The following PLCL1 variants were observed in gnomAD, a reference collection of about 807,000 sequenced individuals.
PLCL1 encodes inactive phospholipase C-like protein 1.
Under a neutral mutation model 84.4 loss-of-function variants are expected in PLCL1, and 41 were observed. The observed-to-expected ratio is 0.49, with a 90% CI of 0.38 to 0.63. The LOEUF is 0.63. Ranked by LOEUF, PLCL1 falls within the 30% of genes least tolerant of loss-of-function variation. The pLI is 0.00. For missense variants in PLCL1, 1,206 were observed against 1,367.8 expected (o/e 0.88, Z 1.87); for synonymous variants, 490 against 488.3 (o/e 1.00, Z -0.05).
At chr2:197,838,728 C>T (rs1227361814) in intron 1 of PLCL1, among the ~76,000 whole-genome samples, 4 of 152,290 alleles carry the variant, frequency 2.6e-5, no homozygotes, top group African/African-American at 7.2e-5. Flanking sequence ...GATACACTTC[C>T]CGTTTCACAG....
chr2:198,080,533 C>T (rs2105893354), intron 1 of PLCL1, among the ~76,000 whole-genome samples: 1 of 152,282 alleles, frequency 6.6e-6, no homozygotes, highest in South Asian at 2.1e-4. Context: ...CATCTCCCCT[C>T]CTCCCAACCT....
At chr2:198,117,670 C>T (rs1160803960) in intron 5 of PLCL1, among the ~76,000 whole-genome samples, 1 of 151,808 alleles carries the variant, frequency 6.6e-6, no homozygotes, top group African/African-American at 2.4e-5. Flanking sequence ...TGCTATCAAC[C>T]AAGAAACTGA....
At chr2:198,062,341 A>G (rs959019261) in intron 1 of PLCL1, among the ~76,000 whole-genome samples, 9 of 152,216 alleles carry the variant, frequency 5.9e-5, no homozygotes, top group Non-Finnish European at 1.3e-4. Flanking sequence ...GAAATCCTTT[A>G]TTATGCAAAT....
At chr2:198,130,195 T>C (rs1004669220) in intron 5 of PLCL1, among the ~76,000 whole-genome samples, 1 of 152,082 alleles carries the variant, frequency 6.6e-6, no homozygotes, top group African/African-American at 2.4e-5. Context: ...TATTGTGATA[T>C]TTCCCAGGCT....
At chr2:198,053,459 C>T (rs1337088363) in intron 1 of PLCL1, among the ~76,000 whole-genome samples, 1 of 152,212 alleles carries the variant, frequency 6.6e-6, no homozygotes, top group African/African-American at 2.4e-5. Context: ...GCTGGTAATA[C>T]CATCCTCTCC....
chr2:197,883,413 C>T (rs763406265), intron 1 of PLCL1, among the ~76,000 whole-genome samples: 10 of 152,056 alleles, frequency 6.6e-5, no homozygotes, highest in African/African-American at 9.7e-5. Context: ...TTCTCTGCCT[C>T]GTGGGATAAT....
intron 1 of PLCL1, among the ~76,000 whole-genome samples, chr2:197,850,888 T>G (rs923781431): frequency 6.6e-6 from 1 of 152,206 alleles, no homozygotes; most frequent in South Asian, 2.1e-4. Context: ...TTCATGGCCA[T>G]GAAGAAGACA....
intron 1 of PLCL1, among the ~76,000 whole-genome samples, chr2:197,947,237 A>ATATATATATATATAT (rs1689294732): frequency 5.6e-5 from 8 of 142,734 alleles, no homozygotes; most frequent in African/African-American, 2.1e-4. Context: ...TGCTTAGATA[A>ATATATATATATATAT]ATATATATAT....
chr2:197,946,381 T>C (rs963545517), intron 1 of PLCL1, among the ~76,000 whole-genome samples: 1 of 152,066 alleles, frequency 6.6e-6, no homozygotes, highest in Non-Finnish European at 1.5e-5. Flanking sequence ...GTAAGTTTAA[T>C]TACCAATCAG....
chr2:197,900,492 T>C (rs1311025020), intron 1 of PLCL1, among the ~76,000 whole-genome samples: 1 of 152,160 alleles, frequency 6.6e-6, no homozygotes, highest in Non-Finnish European at 1.5e-5. Context: ...TGTCCAAGAG[T>C]ATAAATATTC....
intron 1 of PLCL1, among the ~76,000 whole-genome samples, chr2:198,068,008 G>A (rs892176841): frequency 8.5e-5 from 13 of 152,172 alleles, no homozygotes; most frequent in Non-Finnish European, 1.5e-4. Flanking sequence ...GAAATTAAGT[G>A]TAGTGAATTC....
intron 5 of PLCL1, among the ~76,000 whole-genome samples, chr2:198,104,725 T>G (rs1434464644): frequency 6.6e-6 from 1 of 151,886 alleles, no homozygotes; most frequent in African/African-American, 2.4e-5. Flanking sequence ...TTTTAGCTAT[T>G]CTGACTGTGA....
rs934343276 is a variant in PLCL1 at position 197,871,549 on chromosome 2, T to C, written c.240+66210T>C. On this transcript the variant is annotated intron_variant, in intron 1 of 5. Transcript: ENST00000428675. Reference sequence around the variant, plus strand: ...AAAACGGAAATTCATTTTCTCATGGTTTTGGAGGCCAGAAATCTGAAATCA... The same window carrying C: ...AAAACGGAAATTCATTTTCTCATGGCTTTGGAGGCCAGAAATCTGAAATCA... Among the ~76,000 whole-genome samples the C allele has an allele frequency of 2.0e-5, 3 of 151,990 alleles. No homozygotes were observed. In the East Asian group the frequency reaches 5.8e-4, roughly 29 times the overall value.
chr2:197,958,921 GC>G (rs1163962380), intron 1 of PLCL1, among the ~76,000 whole-genome samples: 2 of 97,036 alleles, frequency 2.1e-5, no homozygotes, highest in Non-Finnish European at 4.5e-5. Context: ...AATCTGTATT[GC>G]CTCTTAATTA....
intron 1 of PLCL1, among the ~76,000 whole-genome samples, chr2:198,047,801 G>A (rs1691841218): frequency 6.6e-6 from 1 of 152,180 alleles, no homozygotes; most frequent in South Asian, 2.1e-4. Context: ...TATCTTGAGT[G>A]TCTTGCATAA....
intron 1 of PLCL1, among the ~76,000 whole-genome samples, chr2:198,038,910 C>A (rs1053443003): frequency 4.7e-5 from 7 of 150,338 alleles, no homozygotes; most frequent in Non-Finnish European, 1.0e-4. Context: ...TCACAAATAC[C>A]AGAAACAGAG....
At chr2:198,015,706 A>T (rs1327637545) in intron 1 of PLCL1, among the ~76,000 whole-genome samples, 1 of 152,144 alleles carries the variant, frequency 6.6e-6, no homozygotes, top group Non-Finnish European at 1.5e-5. Flanking sequence ...ATATACTTAC[A>T]TATGTGATAT....
intron 1 of PLCL1, among the ~76,000 whole-genome samples, chr2:197,964,865 C>T (rs1195751451): frequency 6.6e-6 from 1 of 151,914 alleles, no homozygotes; most frequent in East Asian, 1.9e-4. Context: ...ATCTTTTATT[C>T]TATTGATATA....
At chr2:197,908,531 AG>A (rs1001400296) in intron 1 of PLCL1, among the ~76,000 whole-genome samples, 18 of 152,366 alleles carry the variant, frequency 1.2e-4, no homozygotes, top group Admixed American at 9.1e-4. Context: ...AAGCCTCAGA[AG>A]AAATTTACTC....
Sources: allele counts gnomAD v4.1 joint callset (sites outside exome capture counted in the v4.1 genomes callset), GRCh38; gene constraint gnomAD v4.1.1; transcripts MANE v1.5; gene names NCBI Gene and HGNC (gene_info 2026-07-23, HGNC 2026-07-21).